The following CTNNA2 variants were observed in gnomAD, a reference collection of about 807,000 sequenced individuals.
CTNNA2 encodes the protein catenin alpha-2.
In CTNNA2, 42 loss-of-function variants were observed where a neutral mutation model predicts 101.0. That is an observed-to-expected ratio of 0.42 (90% CI 0.32 to 0.54). The LOEUF (loss-of-function observed/expected upper bound fraction) is 0.54, where lower values mean the gene tolerates loss of function less well. Among genes scored for constraint, CTNNA2 ranks in the 20% least tolerant of loss-of-function variants. CTNNA2 has a pLI of 0.14. For synonymous variants in CTNNA2, 450 were observed against 456.4 expected (o/e 0.99, Z 0.18); for missense variants, 871 against 1,223.1 (o/e 0.71, Z 4.29).
intron 12 of CTNNA2, among the ~76,000 whole-genome samples, chr2:80,559,184 C>T (rs911392247): frequency 1.3e-5 from 2 of 152,106 alleles, no homozygotes. Context: ...AAAATAGGGA[C>T]AAGTTCAAAC....
upstream of CTNNA2, among the ~76,000 whole-genome samples, chr2:79,509,101 A>C (rs897131214): frequency 3.0e-4 from 46 of 150,996 alleles, no homozygotes; most frequent in Non-Finnish European, 4.0e-4. Context: ...AAAAAACTTA[A>C]AACAAGTTAT....
chr2:79,514,561 A>T (rs1355743502), intron 1 of CTNNA2: 1 of 152,188 alleles, frequency 6.6e-6, no homozygotes, highest in Non-Finnish European at 1.5e-5. Flanking sequence ...AACCCCTTAC[A>T]TTATACATGT....
chr2:80,084,356 C>A (rs1699319317), intron 7 of CTNNA2, among the ~76,000 whole-genome samples: 1 of 152,154 alleles, frequency 6.6e-6, no homozygotes. Flanking sequence ...TCAGAGCACA[C>A]ACAATGCTTC....
At chr2:79,455,424 C>T (rs981245276) in intron 4 of CTNNA2, among the ~76,000 whole-genome samples, 2 of 152,056 alleles carry the variant, frequency 1.3e-5, no homozygotes, top group African/African-American at 4.8e-5. Flanking sequence ...CTGGCTGCAT[C>T]CCATGGCCAA....
intron 7 of CTNNA2, among the ~76,000 whole-genome samples, chr2:80,023,002 G>A (rs927971672): frequency 6.6e-6 from 1 of 152,178 alleles, no homozygotes; most frequent in African/African-American, 2.4e-5. Context: ...GATTCCATCT[G>A]CTGGTAGCTG....
At chr2:79,364,094 G>A (rs1263445682) in intron 3 of CTNNA2, among the ~76,000 whole-genome samples, 1 of 152,162 alleles carries the variant, frequency 6.6e-6, no homozygotes, top group Non-Finnish European at 1.5e-5. Context: ...CTTTCACAGT[G>A]TCAGGTCTTG....
At chr2:80,089,366 T>C (rs1013576568) in intron 7 of CTNNA2, among the ~76,000 whole-genome samples, 2 of 151,872 alleles carry the variant, frequency 1.3e-5, no homozygotes, top group Non-Finnish European at 2.9e-5. Flanking sequence ...AGCAAAGACA[T>C]AAGTCAAAGG....
intron 3 of CTNNA2, among the ~76,000 whole-genome samples, chr2:79,749,881 A>G (rs956025772): frequency 1.3e-5 from 2 of 152,244 alleles, no homozygotes; most frequent in Non-Finnish European, 2.9e-5. Context: ...AATTTATTAA[A>G]TCAATGTGTA....
intron 6 of CTNNA2, among the ~76,000 whole-genome samples, chr2:79,898,628 A>G (rs1684872704): frequency 6.6e-6 from 1 of 152,104 alleles, no homozygotes; most frequent in African/African-American, 2.4e-5. Flanking sequence ...CTAATTTCTC[A>G]TTAGGAGAAT....
intron 7 of CTNNA2, among the ~76,000 whole-genome samples, chr2:80,272,320 A>T (rs1673558661): frequency 6.6e-6 from 1 of 152,252 alleles, no homozygotes; most frequent in Admixed American, 6.5e-5. Flanking sequence ...AAGGAGGAAC[A>T]AAAATACCGT....
intron 6 of CTNNA2, among the ~76,000 whole-genome samples, chr2:79,879,181 G>A (rs1412501011): frequency 6.6e-6 from 1 of 151,900 alleles, no homozygotes; most frequent in Non-Finnish European, 1.5e-5. Context: ...TGGTCTGTCT[G>A]TTTTGGGACC....
chr2:79,219,891 A>T (rs77548326), intron 2 of CTNNA2, among the ~76,000 whole-genome samples: 2,480 of 152,270 alleles, frequency 0.016, 31 homozygotes, highest in Non-Finnish European at 0.025. Flanking sequence ...ACCTTTTGGC[A>T]CCTGAAATTC....
intron 2 of CTNNA2, among the ~76,000 whole-genome samples, chr2:79,241,548 C>G (rs1177496608): frequency 6.6e-6 from 1 of 152,068 alleles, no homozygotes; most frequent in Non-Finnish European, 1.5e-5. Context: ...AAATAGGTGT[C>G]TATTTTTGCT....
intron 7 of CTNNA2, among the ~76,000 whole-genome samples, chr2:80,224,335 T>G: frequency 6.6e-6 from 1 of 152,212 alleles, no homozygotes; most frequent in East Asian, 1.9e-4. Context: ...CACCTAAGTC[T>G]TAGAGTCGGG....
intron 1 of CTNNA2, among the ~76,000 whole-genome samples, chr2:79,599,515 ATACT>A (rs1383851864): frequency 6.6e-6 from 1 of 152,138 alleles, no homozygotes; most frequent in Non-Finnish European, 1.5e-5. Context: ...TAATTTTATG[ATACT>A]TAATATGAGA....
At chr2:80,240,562 TA>T (rs1209233517) in intron 7 of CTNNA2, among the ~76,000 whole-genome samples, 3 of 152,308 alleles carry the variant, frequency 2.0e-5, no homozygotes, top group Admixed American at 2.0e-4. Flanking sequence ...CATTAACATA[TA>T]TTCGTACTCA....
chr2:79,731,130 T>G (rs993702679), intron 2 of CTNNA2, among the ~76,000 whole-genome samples: 2 of 152,010 alleles, frequency 1.3e-5, no homozygotes, highest in African/African-American at 4.8e-5. Flanking sequence ...TTACTAGAAA[T>G]TTTCTTTGTT....
chr2:80,496,395 C>CTTTTTTT (rs34221173), intron 9 of CTNNA2, among the ~76,000 whole-genome samples: 4 of 131,736 alleles, frequency 3.0e-5, no homozygotes, highest in Non-Finnish European at 4.9e-5. Flanking sequence ...TCTTCACTGT[C>CTTTTTTT]TTTTTTTTTT....
At chr2:79,427,276 G>A (rs1678602719) in intron 4 of CTNNA2, among the ~76,000 whole-genome samples, 1 of 151,950 alleles carries the variant, frequency 6.6e-6, no homozygotes, top group Non-Finnish European at 1.5e-5. Context: ...TAGAATTCCT[G>A]CACCTCGTTC....
Sources: allele counts gnomAD v4.1 joint callset (sites outside exome capture counted in the v4.1 genomes callset), GRCh38; gene constraint gnomAD v4.1.1; transcripts MANE v1.5; gene names NCBI Gene and HGNC (gene_info 2026-07-23, HGNC 2026-07-21).